The following BCR variants were observed in gnomAD, a reference collection of about 807,000 sequenced individuals.
BCR encodes BCR activator of RhoGEF and GTPase, also known as breakpoint cluster region protein.
BCR carries 58 observed loss-of-function variants against 138.6 expected under a neutral mutation model. The ratio of observed to expected loss-of-function variants is 0.42; its 90% CI spans 0.34 to 0.52. The LOEUF (loss-of-function observed/expected upper bound fraction) is 0.52. Ranked by LOEUF, BCR falls within the 20% of genes least tolerant of loss-of-function variation. The pLI, the probability that BCR is intolerant of heterozygous loss-of-function variation, is 0.06. For synonymous variants in BCR, 786 were observed against 730.1 expected (o/e 1.08, Z -1.23); for missense variants, 1,599 against 1,727.2 (o/e 0.93, Z 1.32).
rs774792375 is a variant in BCR at position 23,182,236 on chromosome 22, G to T, written c.1276G>T (p.Ala426Ser). The T allele has an allele frequency of 1.3e-6, 2 of 1,564,080 alleles. No homozygotes were observed. The highest frequency in any genetic ancestry group is 8.6e-7 in the Non-Finnish European group (1 of 1,158,252). Residue 426 changes from alanine to serine, a missense_variant, in exon 1 of 23, where the codon GCA (alanine) becomes TCA (serine). Ala to Ser is a moderately conservative substitution (Grantham distance 99). This residue lies in a region of BCR where 806 missense variants were observed against 635.0 expected (regional missense o/e 1.27). Transcript: ENST00000305877. ...NDGEGAFHGD[A>S]DGSFGTPPGY... ...TGGCGAGGGCGCCTTCCATGGAGAC[G>T]CAGGTGAGTTCCTCACGCCACGTGC...
intron 1 of BCR, among the ~76,000 whole-genome samples, chr22:23,244,741 T>C (rs746457869): frequency 2.0e-5 from 3 of 152,196 alleles, no homozygotes; most frequent in Non-Finnish European, 4.4e-5. Context: ...CAGGAAGTCT[T>C]TCTGAGCCCC....
chr22:23,302,885 C>G (rs1323967308), intron 16 of BCR: 1 of 152,240 alleles, frequency 6.6e-6, no homozygotes, highest in Non-Finnish European at 1.5e-5. Flanking sequence ...ATCACTCCCA[C>G]TGACACAGGG....
chr22:23,299,870 G>A (rs2073885402), intron 16 of BCR, among the ~76,000 whole-genome samples: 1 of 152,184 alleles, frequency 6.6e-6, no homozygotes, highest in South Asian at 2.1e-4. Context: ...ACCACGCTGT[G>A]CATGTGCCCA....
At chr22:23,251,078 T>A (rs560950734) in intron 1 of BCR, 11 of 152,396 alleles carry the variant, frequency 7.2e-5, no homozygotes, top group African/African-American at 2.6e-4. Flanking sequence ...GTTGAGGGAC[T>A]TGGTGGGTGC....
chr22:23,239,465 A>G lies in BCR; in HGVS notation c.1280-14334A>G, dbSNP rs1297552071. On this transcript the variant is annotated intron_variant, in intron 1 of 22. Transcript: ENST00000305877. ...GGGGCAAGGCCCTGGGCTGCCTCCT[A>G]CTCTGACCTTGTGGGCCTTGGTGTC... 2.0e-5 allele frequency among the ~76,000 whole-genome samples: 3 copies of G among 151,986 alleles called. No homozygotes were observed. The East Asian group carries it at 5.8e-4, about 29-fold the overall frequency.
At chr22:23,287,962 G>A (rs1490804320) in intron 11 of BCR, 135 bp from the exon 12 acceptor site, 3 of 800,938 alleles carry the variant, frequency 3.7e-6, no homozygotes, top group East Asian at 2.6e-5. Context: ...GACATGCCAG[G>A]CCGTGAGCAC....
chr22:23,202,325 A>C (rs2072562567), intron 1 of BCR, among the ~76,000 whole-genome samples: 1 of 152,188 alleles, frequency 6.6e-6, no homozygotes, highest in Non-Finnish European at 1.5e-5. Context: ...ATATATATAC[A>C]AATTTGACAT....
At chr22:23,220,139 G>T (rs996443946) in intron 1 of BCR, among the ~76,000 whole-genome samples, 6 of 152,196 alleles carry the variant, frequency 3.9e-5, no homozygotes, top group African/African-American at 1.2e-4. Flanking sequence ...GCATGCGGGG[G>T]TCCTGCTGTG....
intron 1 of BCR, among the ~76,000 whole-genome samples, chr22:23,195,726 A>C (rs1251716606): frequency 2.0e-5 from 3 of 151,992 alleles, no homozygotes; most frequent in Non-Finnish European, 4.4e-5. Flanking sequence ...ATCTCTACTA[A>C]AAATACAAAA....
chr22:23,182,982 C>T (rs2072291106), intron 1 of BCR, among the ~76,000 whole-genome samples: 1 of 152,222 alleles, frequency 6.6e-6, no homozygotes, highest in African/African-American at 2.4e-5. Flanking sequence ...CACCAGGCTC[C>T]TCCATGGTGG....
intron 4 of BCR, chr22:23,262,681 C>A: frequency 1.5e-6 from 1 of 672,744 alleles, no homozygotes. Flanking sequence ...GGGTGTGGGG[C>A]CGCCGGGAAT....
chr22:23,307,081 T>A (rs1215730502), intron 16 of BCR, among the ~76,000 whole-genome samples: 1 of 152,220 alleles, frequency 6.6e-6, no homozygotes, highest in East Asian at 1.9e-4. Context: ...TTAACATGTT[T>A]CTGTGTTTCC....
At position 23,315,438 on chromosome 22, in the gene BCR, G is replaced by C. The variant is rs149522895; in HGVS notation, c.3732G>C (p.Gln1244His). 21 of 1,613,556 alleles carry C rather than the reference G, an allele frequency of 1.3e-5. No individual in the cohort carries two copies. The African/African-American group carries it at 2.3e-4, about 17-fold the overall frequency. Reference sequence around the variant, plus strand: ...TCCCTACTCTGCCCGGGCAGGTCCAGGTGCTGCTGTACTTCCTGCAGCTGG... The same window carrying C: ...TCCCTACTCTGCCCGGGCAGGTCCACGTGCTGCTGTACTTCCTGCAGCTGG... ...SWSLEVMSQV[Q>H]VLLYFLQLEA... Residue 1244 changes from glutamine to histidine, a missense_variant, in exon 23 of 23, where the codon CAG (glutamine) becomes CAC (histidine). By Grantham distance (24) the Gln-to-His change is conservative (BLOSUM62 0). Transcript: ENST00000305877.
At chr22:23,259,861 G>A (rs991008543) in intron 2 of BCR, among the ~76,000 whole-genome samples, 5 of 152,170 alleles carry the variant, frequency 3.3e-5, no homozygotes, top group African/African-American at 1.2e-4. Flanking sequence ...GGTGGTGGGT[G>A]CATGAGGTCC....
chr22:23,204,642 A>G (rs1358265924), intron 1 of BCR, among the ~76,000 whole-genome samples: 2 of 152,144 alleles, frequency 1.3e-5, no homozygotes, highest in African/African-American at 4.8e-5. Flanking sequence ...GAACCAGGAC[A>G]CTGCTTTGCT....
At chr22:23,257,781 G>T (rs1349746973) in intron 2 of BCR, among the ~76,000 whole-genome samples, 6 of 152,206 alleles carry the variant, frequency 3.9e-5, no homozygotes, top group Admixed American at 3.9e-4. Context: ...CACCAAGGCA[G>T]GCTCAACTGA....
At chr22:23,268,335 C>A (rs372378833) in intron 4 of BCR, 73 bp from the exon 5 acceptor site, 2 of 1,285,112 alleles carry the variant, frequency 1.6e-6, no homozygotes, top group South Asian at 1.3e-5. Context: ...GAGCTGTGCA[C>A]GGGAGCCTGC....
chr22:23,251,997 G>T (rs2073233275), intron 1 of BCR, among the ~76,000 whole-genome samples: 1 of 152,230 alleles, frequency 6.6e-6, no homozygotes, highest in Non-Finnish European at 1.5e-5. Context: ...TTGTCATTCA[G>T]CCTGGGAGGA....
intron 1 of BCR, among the ~76,000 whole-genome samples, chr22:23,201,336 G>GT (rs1249704753): frequency 1.3e-5 from 2 of 152,248 alleles, no homozygotes; most frequent in African/African-American, 4.8e-5. Flanking sequence ...CCTCCTGGCA[G>GT]TTGTAGGACT....
Sources: allele counts gnomAD v4.1 joint callset (sites outside exome capture counted in the v4.1 genomes callset), GRCh38; gene constraint gnomAD v4.1.1; regional missense constraint gnomAD v4.1.1; transcripts MANE v1.5; gene names NCBI Gene and HGNC (gene_info 2026-07-23, HGNC 2026-07-21).